The following DDHD1 variants were observed in gnomAD, a reference collection of about 807,000 sequenced individuals.
DDHD1 encodes the protein DDHD domain containing 1.
A neutral mutation model predicts 96.4 loss-of-function variants in DDHD1; 49 were observed. The ratio of observed to expected loss-of-function variants is 0.51; its 90% CI spans 0.40 to 0.64. DDHD1 has a LOEUF of 0.64. Ranked by LOEUF, DDHD1 falls within the 30% of genes least tolerant of loss-of-function variation. The pLI, the probability that DDHD1 is intolerant of heterozygous loss-of-function variation, is 0.00. For missense variants in DDHD1, 1,106 were observed against 1,161.2 expected, an observed-to-expected ratio of 0.95 and a Z score of 0.69; for synonymous variants, 442 against 446.5, an observed-to-expected ratio of 0.99 and a Z score of 0.13.
chr14:53,062,723 C>A (rs1412212200), intron 7 of DDHD1, among the ~76,000 whole-genome samples: 20 of 151,986 alleles, frequency 1.3e-4, no homozygotes, highest in African/African-American at 4.6e-4. Context: ...GAAAGGAAAA[C>A]AAGGAGAATA....
At chr14:53,062,459 A>C (rs1016030685) in intron 7 of DDHD1, among the ~76,000 whole-genome samples, 5 of 152,050 alleles carry the variant, frequency 3.3e-5, no homozygotes, top group African/African-American at 7.2e-5. Context: ...CAAATGATTA[A>C]ATAATAAAAT....
intron 1 of DDHD1, among the ~76,000 whole-genome samples, chr14:53,109,773 T>C (rs1887969876): frequency 6.6e-6 from 1 of 152,188 alleles, no homozygotes; most frequent in Non-Finnish European, 1.5e-5. Flanking sequence ...TTAGTGAAAC[T>C]AAATAATTTG....
At chr14:53,131,589 T>C (rs1241015678) in intron 1 of DDHD1, among the ~76,000 whole-genome samples, 4 of 152,146 alleles carry the variant, frequency 2.6e-5, no homozygotes, top group Non-Finnish European at 5.9e-5. Context: ...CAGCCTTTTT[T>C]TGCTTTCACT....
At chr14:53,112,485 A>G (rs1888185907) in intron 1 of DDHD1, among the ~76,000 whole-genome samples, 1 of 152,110 alleles carries the variant, frequency 6.6e-6, no homozygotes, top group South Asian at 2.1e-4. Context: ...TTGCTATATC[A>G]AAGCCTTTTC....
intron 1 of DDHD1, among the ~76,000 whole-genome samples, chr14:53,146,113 G>A (rs1387158458): frequency 6.6e-6 from 1 of 152,166 alleles, no homozygotes; most frequent in Non-Finnish European, 1.5e-5. Context: ...GGCTGAGGCA[G>A]GAGAATCACT....
chr14:53,060,077 G>A (rs1437812812), intron 8 of DDHD1, among the ~76,000 whole-genome samples: 1 of 151,860 alleles, frequency 6.6e-6, no homozygotes, highest in Non-Finnish European at 1.5e-5. Flanking sequence ...ACGTTTTAAA[G>A]AAATTTCTGC....
chr14:53,127,212 T>C (rs753949299), intron 1 of DDHD1, among the ~76,000 whole-genome samples: 3 of 152,184 alleles, frequency 2.0e-5, no homozygotes, highest in Non-Finnish European at 4.4e-5. Flanking sequence ...TTTACACAGG[T>C]TACAAAATAA....
In DDHD1 at chr14:53,055,843, TGTACCAGTGG is replaced by T; in HGVS notation, c.2052_2061del (p.His685IlefsTer11). On this transcript the variant is annotated frameshift_variant, in exon 10 of 13. Transcript: ENST00000673822. LOFTEE classifies it high-confidence loss of function. Reference sequence around the variant, plus strand: ...TCATAAGGTAAAGGATTTGAAGTATTGTACCAGTGGATCTGGACAGGTGAAATGTTGCTGT... The same window carrying T: ...TCATAAGGTAAAGGATTTGAAGTATTATCTGGACAGGTGAAATGTTGCTGT... The T allele has an allele frequency of 6.2e-7, 1 of 1,613,882 alleles. No individual in the cohort carries two copies. The highest frequency in any genetic ancestry group is 1.1e-5 in the South Asian group (1 of 91,078).
At chr14:53,109,165 A>C (rs1413075878) in intron 1 of DDHD1, among the ~76,000 whole-genome samples, 1 of 150,780 alleles carries the variant, frequency 6.6e-6, no homozygotes, top group African/African-American at 2.5e-5. Flanking sequence ...TTTTATCCCC[A>C]CTTCCTTCCT....
intron 5 of DDHD1, 54 bp downstream of exon 5, chr14:53,073,687 A>C (rs1769700855): frequency 1.1e-5 from 16 of 1,467,476 alleles, no homozygotes; most frequent in Non-Finnish European, 1.4e-5. Context: ...TTCTGCATTT[A>C]TTTTGGTAAA....
intron 4 of DDHD1, among the ~76,000 whole-genome samples, chr14:53,079,030 C>A (rs1885210955): frequency 6.6e-6 from 1 of 151,682 alleles, no homozygotes; most frequent in Non-Finnish European, 1.5e-5. Flanking sequence ...AAATGTTGAC[C>A]CAATCTTGTA....
chr14:53,126,599 C>A (rs554603998), intron 1 of DDHD1, among the ~76,000 whole-genome samples: 1 of 152,174 alleles, frequency 6.6e-6, no homozygotes, highest in South Asian at 2.1e-4. Context: ...AACTCCTGGG[C>A]TCAAGCAATC....
intron 4 of DDHD1, among the ~76,000 whole-genome samples, chr14:53,082,749 ACT>A (rs759818595): frequency 1.4e-5 from 2 of 141,730 alleles, no homozygotes; most frequent in Non-Finnish European, 3.0e-5. Flanking sequence ...ACAGAGTGAG[ACT>A]CTATCTCAAA....
intron 8 of DDHD1, among the ~76,000 whole-genome samples, chr14:53,058,980 C>T (rs1883300658): frequency 6.6e-6 from 1 of 152,174 alleles, no homozygotes; most frequent in Non-Finnish European, 1.5e-5. Context: ...GACACAGCTT[C>T]TGCACTCAAA....
rs1376442287 is a variant in DDHD1 at position 53,037,192 on chromosome 14, T to C, written c.*9576A>G. ...AGTCCACTGTTGATGGGCAGCCACG[T>C]TGATCTGTCTTTGCTACTGTGAATA... On this transcript the variant is annotated 3_prime_UTR_variant, in exon 13 of 13. Transcript: ENST00000673822. The C allele has an allele frequency of 6.6e-6, 1 of 152,184 alleles. No homozygotes were observed. The highest frequency in any genetic ancestry group is 1.5e-5 in the Non-Finnish European group (1 of 68,018). The allele number at this position is 152,184 out of a possible 1,614,324, so 9.4% of individuals were successfully genotyped here.
intron 1 of DDHD1, among the ~76,000 whole-genome samples, chr14:53,129,509 C>T (rs34718479): frequency 0.023 from 3,497 of 152,208 alleles, 51 homozygotes; most frequent in Non-Finnish European, 0.031. Context: ...TTAATCACTG[C>T]GGGGATGCCT....
At chr14:53,127,865 C>T (rs1226635171) in intron 1 of DDHD1, among the ~76,000 whole-genome samples, 1 of 152,126 alleles carries the variant, frequency 6.6e-6, no homozygotes, top group African/African-American at 2.4e-5. Flanking sequence ...TTGTATGAAC[C>T]AAGACAGAAT....
At chr14:53,054,405 G>C in intron 11 of DDHD1, 33 bp downstream of exon 11, 1 of 1,594,462 alleles carries the variant, frequency 6.3e-7, no homozygotes, top group South Asian at 1.1e-5. Flanking sequence ...AAAAGATACA[G>C]TATCAACTTA....
At chr14:53,070,948 G>A (rs892950386) in intron 6 of DDHD1, among the ~76,000 whole-genome samples, 3 of 152,098 alleles carry the variant, frequency 2.0e-5, no homozygotes, top group African/African-American at 7.2e-5. Context: ...TCTTATGAAA[G>A]CAGAGGGATC....
Sources: gnomAD v4.1 joint callset for allele counts (sites outside exome capture counted in the v4.1 genomes callset) on GRCh38, gnomAD v4.1.1 for gene constraint, MANE v1.5 for transcripts, NCBI Gene and HGNC (gene_info 2026-07-23, HGNC 2026-07-21) for gene names.